CTNND1: variants seen among roughly 807,000 people sequenced by gnomAD.
CTNND1 encodes the protein catenin delta-1.
In CTNND1, 16 loss-of-function variants were observed where a neutral mutation model predicts 112.1. That is an observed-to-expected ratio of 0.14 (90% CI 0.10 to 0.22). CTNND1 has a LOEUF of 0.22. CTNND1 is among the 10% of genes least tolerant of loss of function. The pLI, the probability that CTNND1 is intolerant of heterozygous loss-of-function variation, is 1.00. For synonymous variants in CTNND1, 420 were observed against 446.5 expected (o/e 0.94, Z 0.75); for missense variants, 1,008 against 1,257.0 (o/e 0.80, Z 3.00).
chr11:57,814,387 T>C lies in CTNND1; in HGVS notation c.2701+14T>C, dbSNP rs775227882. 1.9e-6 allele frequency: 3 copies of C among 1,593,278 alleles called. No homozygotes were observed. The highest frequency in any genetic ancestry group is 1.7e-4 in the Middle Eastern group (1 of 6,026). Reference sequence around the variant, plus strand: ...CAAAATCACTAGGTAGGTGATTAATTCCTGCCTAAGGATGTGGAGTAATAT... The same window carrying C: ...CAAAATCACTAGGTAGGTGATTAATCCCTGCCTAAGGATGTGGAGTAATAT... On this transcript the variant is annotated intron_variant, in intron 18 of 20. Coordinates refer to ENST00000399050, the MANE Select transcript of CTNND1 (RefSeq NM_001085458.2).
At chr11:57,790,291 A>G (rs1381210642) in intron 2 of CTNND1, among the ~76,000 whole-genome samples, 9 of 151,698 alleles carry the variant, frequency 5.9e-5, no homozygotes, top group Non-Finnish European at 1.5e-5. Context: ...GCTGGTCTTG[A>G]CCAACTGAAC....
chr11:57,812,011 A>C (rs575512177), intron 17 of CTNND1, among the ~76,000 whole-genome samples: 1 of 152,252 alleles, frequency 6.6e-6, no homozygotes, highest in South Asian at 2.1e-4. Flanking sequence ...TATCTTAATC[A>C]CACTTGGCTT....
At chr11:57,804,108 G>A in intron 8 of CTNND1, 1 of 230,626 alleles carries the variant, frequency 4.3e-6, no homozygotes, top group Non-Finnish European at 8.4e-6. Context: ...GTCTAGTCCT[G>A]GACTTGTGTG....
At chr11:57,776,844 G>A (rs748208002) in intron 1 of CTNND1, among the ~76,000 whole-genome samples, 3 of 152,148 alleles carry the variant, frequency 2.0e-5, no homozygotes, top group Non-Finnish European at 2.9e-5. Context: ...TTTTGGATTA[G>A]CAGCATTGAT....
rs749055749 is a variant in CTNND1, at chr11:57,802,186, A to G, written c.1410A>G (p.Glu470=). 1 of 1,610,528 alleles carries G rather than the reference A, an allele frequency of 6.2e-7. No individual in the cohort carries two copies. Among genetic ancestry groups the G allele is most frequent in the East Asian group, 2.2e-5 (1 of 44,846 alleles). Residue 470 remains glutamate, a synonymous_variant, in exon 7 of 21, where the codon GAA becomes GAG. Coordinates refer to ENST00000399050, the MANE Select transcript of CTNND1 (RefSeq NM_001085458.2). ...LRKARDMDLT[E]VITGTLWNLS... is the part of the protein sequence containing the mutation. ...AGGCTCGTGATATGGACCTTACTGAAGTTATTACCGGTGAGTTCTAGGCCT... is the reference window on the plus strand; with the variant it reads ...AGGCTCGTGATATGGACCTTACTGAGGTTATTACCGGTGAGTTCTAGGCCT...
intron 1 of CTNND1, among the ~76,000 whole-genome samples, chr11:57,766,651 G>C (rs1277803712): frequency 1.3e-5 from 2 of 152,200 alleles, no homozygotes; most frequent in Admixed American, 1.3e-4. Context: ...TAGCCTGGCA[G>C]GGAGATTGTA....
At position 57,818,012 on chromosome 11, in the gene CTNND1, A is replaced by G. The variant is rs2064066332; in HGVS notation, c.*1704A>G. On this transcript the variant is annotated 3_prime_UTR_variant, in exon 21 of 21. Coordinates refer to ENST00000399050, the MANE Select transcript of CTNND1 (RefSeq NM_001085458.2). Reference sequence around the variant, plus strand: ...AACCCACCACCCCCTTTACTCGTGCATTAAAATTTCTTATTTACCCTTTTC... The same window carrying G: ...AACCCACCACCCCCTTTACTCGTGCGTTAAAATTTCTTATTTACCCTTTTC... 6.6e-6 allele frequency: 1 copy of G among 152,446 alleles called. No individual in the cohort carries two copies. The highest frequency in any genetic ancestry group is 2.1e-4 in the South Asian group (1 of 4,806). 9.4% of individuals were successfully genotyped at this position (152,446 alleles called of 1,614,324 possible).
chr11:57,786,167 C>G (rs1431332794), intron 1 of CTNND1, among the ~76,000 whole-genome samples: 1 of 149,428 alleles, frequency 6.7e-6, no homozygotes, highest in Non-Finnish European at 1.5e-5. Flanking sequence ...TTTCCTCAAC[C>G]CCCTGACTTC....
chr11:57,782,271 C>A (rs145324367), intron 1 of CTNND1, among the ~76,000 whole-genome samples: 16 of 152,154 alleles, frequency 1.1e-4, no homozygotes, highest in Non-Finnish European at 1.9e-4. Flanking sequence ...GGTGGTCTGC[C>A]CAGAGCCTTC....
At chr11:57,808,057 G>A in intron 12 of CTNND1, 108 bp from the exon 13 acceptor site, 1 of 1,210,030 alleles carries the variant, frequency 8.3e-7, no homozygotes, top group Non-Finnish European at 1.1e-6. Flanking sequence ...TGATGGTATA[G>A]AAGCATAAAT....
chr11:57,778,388 G>A (rs2059228138), intron 1 of CTNND1, among the ~76,000 whole-genome samples: 1 of 152,188 alleles, frequency 6.6e-6, no homozygotes, highest in Non-Finnish European at 1.5e-5. Flanking sequence ...GCCATAATGG[G>A]ATGTGTCACA....
intron 4 of CTNND1, among the ~76,000 whole-genome samples, chr11:57,794,555 GTGGGCAGATCAC>G (rs1259606477): frequency 1.1e-4 from 16 of 151,952 alleles, no homozygotes; most frequent in African/African-American, 3.6e-4. Flanking sequence ...GGAGGCTGAG[GTGGGCAGATCAC>G]CTCAGGTCGG....
chr11:57,798,954 A>G (rs559138729), intron 6 of CTNND1, among the ~76,000 whole-genome samples: 5 of 152,182 alleles, frequency 3.3e-5, no homozygotes, highest in Non-Finnish European at 7.3e-5. Context: ...GAAACAAGGG[A>G]TGATTTATGG....
intron 9 of CTNND1, 55 bp from the exon 10 acceptor site, chr11:57,805,827 T>C (rs561766743): frequency 1.9e-5 from 30 of 1,574,758 alleles, no homozygotes; most frequent in Admixed American, 1.1e-4. Context: ...CCTGTACTTG[T>C]GGAGAAATCA....
chr11:57,780,454 A>G (rs1284547175), intron 1 of CTNND1, among the ~76,000 whole-genome samples: 11 of 152,180 alleles, frequency 7.2e-5, no homozygotes, highest in Non-Finnish European at 1.5e-5. Context: ...AGTTTTCACT[A>G]CTTACTACTA....
At position 57,809,431 on chromosome 11, in the gene CTNND1, G is replaced by T; in HGVS notation, c.2400G>T (p.Gln800His). Reference protein sequence around the residue: ...LEAAKKLRETQGIEKLVLINK... With the variant: ...LEAAKKLRETHGIEKLVLINK... Reference sequence around the variant, plus strand: ...CTGCCAAAAAGCTTCGAGAGACACAGGGTATTGAGAAGCTGGTGTTGATCA... The same window carrying T: ...CTGCCAAAAAGCTTCGAGAGACACATGGTATTGAGAAGCTGGTGTTGATCA... Residue 800 changes from glutamine (Q) to histidine (H), a missense_variant, in exon 15 of 21, where the codon CAG becomes CAT. This residue lies in a region of CTNND1 where 254 missense variants were observed against 279.5 expected (regional missense o/e 0.91). Transcript: ENST00000399050. 1 of 1,613,428 alleles carries T rather than the reference G, an allele frequency of 6.2e-7. No individual in the cohort carries two copies.
intron 17 of CTNND1, 22 bp downstream of exon 17, chr11:57,811,508 C>T (rs1358632360): frequency 1.9e-6 from 3 of 1,545,608 alleles, no homozygotes; most frequent in Non-Finnish European, 1.8e-6. Context: ...AGAAGGCACA[C>T]CCTCTCCTTT....
chr11:57,780,765 C>A (rs1422506379), intron 1 of CTNND1, among the ~76,000 whole-genome samples: 1 of 152,168 alleles, frequency 6.6e-6, no homozygotes, highest in Non-Finnish European at 1.5e-5. Flanking sequence ...AAGACATACT[C>A]CAAACTTGAT....
At chr11:57,797,285 C>T (rs1217133183) in intron 6 of CTNND1, among the ~76,000 whole-genome samples, 2 of 148,672 alleles carry the variant, frequency 1.3e-5, no homozygotes, top group African/African-American at 2.4e-5. Context: ...TGCTGGAGTA[C>T]AGGGGTGCCA....
Sources: gnomAD v4.1 joint callset for allele counts (sites outside exome capture counted in the v4.1 genomes callset) on GRCh38, gnomAD v4.1.1 for gene constraint, gnomAD v4.1.1 regional missense constraint, MANE v1.5 for transcripts, NCBI Gene and HGNC (gene_info 2026-07-23, HGNC 2026-07-21) for gene names.